BLNK: variants seen among roughly 807,000 people sequenced by gnomAD.
BLNK encodes the protein B-cell linker protein.
Under a neutral mutation model 73.5 loss-of-function variants are expected in BLNK, and 29 were observed. The ratio of observed to expected loss-of-function variants is 0.39; its 90% CI spans 0.29 to 0.54. The LOEUF (loss-of-function observed/expected upper bound fraction) is 0.54. Ranked by LOEUF, BLNK falls within the 20% of genes least tolerant of loss-of-function variation. The probability of loss-of-function intolerance (pLI) is 0.61; values close to 1 mark genes in which losing one functional copy is unlikely to be tolerated. For synonymous variants in BLNK, 176 were observed against 200.8 expected (o/e 0.88, Z 1.04); for missense variants, 460 against 562.8 (o/e 0.82, Z 1.85).
chr10:96,194,864 G>A lies in BLNK; in HGVS notation c.1251+2044C>T, dbSNP rs587634186. Among the ~76,000 whole-genome samples, 3 of 140,848 alleles carry A rather than the reference G, an allele frequency of 2.1e-5. No homozygotes were observed. The Admixed American group carries it at 2.4e-4, about 11-fold the overall frequency. The allele number at this position is 140,848 out of a possible 152,430, so 92.4% of individuals were successfully genotyped here. A position where few individuals can be genotyped will look rare whatever the true frequency, so the allele number is the denominator to read the frequency against. ...CGACTCACTGCAAGCTCCGCCTCCC[G>A]GGTTCACGCCATTCTCCTGCCTCAG... is the stretch of plus-strand genomic sequence containing the variant. On this transcript the variant is annotated intron_variant, in intron 16 of 16. Transcript: ENST00000224337.
Position 96,189,366 on chromosome 10 carries a change from A to G in BLNK, c.*2607T>C. 1 of 568,708 alleles carries G rather than the reference A, an allele frequency of 1.8e-6. No homozygotes were observed. Among genetic ancestry groups the G allele is most frequent in the South Asian group, 1.4e-5 (1 of 69,170 alleles). The allele number at this position is 568,708 out of a possible 1,614,324, so 35.2% of individuals were successfully genotyped here. On this transcript the variant is annotated 3_prime_UTR_variant, in exon 17 of 17. Coordinates refer to ENST00000224337, the MANE Select transcript of BLNK (RefSeq NM_013314.4). ...AAATTGTTTAAACTATTTTCTAAAGAGACTTCCTCCACTGCCAGGATCTTG... is the reference window on the plus strand; with the variant it reads ...AAATTGTTTAAACTATTTTCTAAAGGGACTTCCTCCACTGCCAGGATCTTG...
At chr10:96,271,031 G>A (rs1391812229) in intron 1 of BLNK, among the ~76,000 whole-genome samples, 1 of 152,234 alleles carries the variant, frequency 6.6e-6, no homozygotes, top group Admixed American at 6.5e-5. Flanking sequence ...GTTGCATTCA[G>A]ATTCTAAAAG....
chr10:96,225,036 C>T (rs368019718), intron 5 of BLNK, among the ~76,000 whole-genome samples: 1 of 152,124 alleles, frequency 6.6e-6, no homozygotes, highest in Non-Finnish European at 1.5e-5. Context: ...GTAATATCGA[C>T]CTTAGAGATC....
chr10:96,242,827 A>C, intron 2 of BLNK, 43 bp from the exon 3 acceptor site: 1 of 1,523,762 alleles, frequency 6.6e-7, no homozygotes, highest in East Asian at 2.3e-5. Flanking sequence ...TGAGCAGAAC[A>C]ATGATGGTCA....
rs200794859 is a variant in BLNK at position 96,227,498 on chromosome 10, G to T, written c.273C>A (p.Asn91Lys). 4.7e-5 allele frequency: 76 copies of T among 1,614,228 alleles called. No homozygotes were observed. Among genetic ancestry groups the T allele is most frequent in the Admixed American group, 1.7e-5 (1 of 60,036 alleles). Residue 91 changes from asparagine (N) to lysine (K), a missense_variant, in exon 5 of 17, where the codon AAC becomes AAA. Physicochemically the swap from Asn to Lys is moderately conservative, Grantham distance 94. Transcript: ENST00000224337. ...SEMYVMPAEE[N>K]ADDSYEPPPV... ...GAGGCGGCTCGTAGCTGTCATCAGC[G>T]TTCTCCTCGGCGGGCATCACGTACA...
At chr10:96,243,018 A>G (rs1449984642) in intron 2 of BLNK, among the ~76,000 whole-genome samples, 1 of 152,210 alleles carries the variant, frequency 6.6e-6, no homozygotes, top group African/African-American at 2.4e-5. Context: ...GACTTGGCAA[A>G]GGTGAAGTCA....
intron 11 of BLNK, among the ~76,000 whole-genome samples, chr10:96,206,264 G>A (rs772524640): frequency 1.3e-5 from 2 of 152,050 alleles, no homozygotes; most frequent in Non-Finnish European, 2.9e-5. Context: ...CTTCAAGTAT[G>A]GAATTAAATG....
At chr10:96,223,672 A>G (rs1554901701) in intron 6 of BLNK, among the ~76,000 whole-genome samples, 154 bp downstream of exon 6, 1 of 152,194 alleles carries the variant, frequency 6.6e-6, no homozygotes, top group Non-Finnish European at 1.5e-5. Flanking sequence ...CATTTTGGAG[A>G]AAACCAAGTC....
At chr10:96,208,631 T>C (rs2083877899) in intron 9 of BLNK, among the ~76,000 whole-genome samples, 1 of 152,118 alleles carries the variant, frequency 6.6e-6, no homozygotes, top group African/African-American at 2.4e-5. Flanking sequence ...ATTGGTAAGG[T>C]TGTATGCTCC....
chr10:96,224,181 A>C (rs1264311060), intron 5 of BLNK, among the ~76,000 whole-genome samples, 192 bp from the exon 6 acceptor site: 2 of 152,216 alleles, frequency 1.3e-5, no homozygotes, highest in Non-Finnish European at 2.9e-5. Context: ...CTTAAACGAC[A>C]AAAACTGGAA....
chr10:96,231,327 TTTGAC>T (rs1842490327), intron 3 of BLNK, among the ~76,000 whole-genome samples: 1 of 152,238 alleles, frequency 6.6e-6, no homozygotes, highest in African/African-American at 2.4e-5. Flanking sequence ...TGGCTCTAAC[TTTGAC>T]TTTTCTTGTT....
chr10:96,265,699 A>G (rs988898501), intron 1 of BLNK, among the ~76,000 whole-genome samples: 2 of 152,244 alleles, frequency 1.3e-5, no homozygotes, highest in African/African-American at 4.8e-5. Flanking sequence ...CCTATTCTGA[A>G]CTTTAAATAC....
Position 96,242,763 on chromosome 10 carries a change from T to C in BLNK, c.135A>G (p.Pro45=), listed in dbSNP as rs1322436116. The C allele has an allele frequency of 6.2e-7, 1 of 1,613,964 alleles. No individual in the cohort carries two copies. Among genetic ancestry groups the C allele is most frequent in the Non-Finnish European group, 8.5e-7 (1 of 1,179,964 alleles). The part of the protein sequence containing the change: ...KIKKLKVKAP[P]SVPRRDYASE... Reference sequence around the variant, plus strand: ...AAGCGTAGTCCCTTCGAGGAACACTTGGAGGTGCTTTGACTTTTAGCCTGG... The same window carrying C: ...AAGCGTAGTCCCTTCGAGGAACACTCGGAGGTGCTTTGACTTTTAGCCTGG... Residue 45 remains proline (P), a synonymous_variant, in exon 3 of 17, where the codon CCA becomes CCG. Coordinates refer to ENST00000224337, the MANE Select transcript of BLNK (RefSeq NM_013314.4).
chr10:96,200,866 T>C lies in BLNK; in HGVS notation c.1011+116A>G. The C allele has an allele frequency of 1.0e-6, 1 of 961,352 alleles. No individual in the cohort carries two copies. Among genetic ancestry groups the C allele is most frequent in the Non-Finnish European group, 1.7e-6 (1 of 589,264 alleles). The allele number at this position is 961,352 out of a possible 1,614,324, so 59.6% of individuals were successfully genotyped here. On this transcript the variant is annotated intron_variant, in intron 14 of 16. Coordinates refer to ENST00000224337, the MANE Select transcript of BLNK (RefSeq NM_013314.4). The surrounding 1 kb of genome is among the most constrained non-coding windows in gnomAD (Gnocchi z 4.3). ...TACCAAATGACAGTTCACATAATGATGTAAAATACAGTCTCTGTTCTCAAG... is the reference window on the plus strand; with the variant it reads ...TACCAAATGACAGTTCACATAATGACGTAAAATACAGTCTCTGTTCTCAAG...
rs1373078639 is a variant in BLNK, at chr10:96,192,080, C to T, written c.1264G>A (p.Val422Ile). ...KKNGEEYFGSVAEIIRNHQHS... is the reference protein window; with the variant it reads ...KKNGEEYFGSIAEIIRNHQHS... ...TGATGATTCCTGATGATTTCAGCAACACTTCCAAAGTACTAGAGGAAGAAA... is the reference window on the plus strand; with the variant it reads ...TGATGATTCCTGATGATTTCAGCAATACTTCCAAAGTACTAGAGGAAGAAA... The change falls in exon 17 of 17, where the codon GTT (valine) becomes ATT (isoleucine). Residue 422 changes from valine (V) to isoleucine (I), a missense_variant. Physicochemically the swap from Val to Ile is conservative, Grantham distance 29. Around this residue, in one of 3 missense-constraint regions of BLNK, gnomAD observed 88 missense variants for 143.4 expected, o/e 0.61. Transcript: ENST00000224337. 7 of 1,613,698 alleles carry T rather than the reference C, an allele frequency of 4.3e-6. No homozygotes were observed. The highest frequency in any genetic ancestry group is 5.1e-6 in the Non-Finnish European group (6 of 1,179,768).
intron 4 of BLNK, among the ~76,000 whole-genome samples, chr10:96,230,582 A>G (rs1378303101): frequency 6.6e-6 from 1 of 152,218 alleles, no homozygotes; most frequent in Non-Finnish European, 1.5e-5. Flanking sequence ...AAAGGTTTAA[A>G]TGAGGTTATG....
intron 9 of BLNK, 120 bp downstream of exon 9, chr10:96,209,718 C>T (rs2083903386): frequency 7.3e-6 from 9 of 1,241,238 alleles, no homozygotes; most frequent in Admixed American, 1.7e-5. Flanking sequence ...GGGCTCCTTA[C>T]TCTTGGTCCA....
At chr10:96,257,478 A>C (rs1942758981) in intron 1 of BLNK, among the ~76,000 whole-genome samples, 1 of 152,148 alleles carries the variant, frequency 6.6e-6, no homozygotes, top group African/African-American at 2.4e-5. Context: ...AGGACCAACA[A>C]CTCTCAAAGA....
At chr10:96,230,484 A>G (rs1842453906) in intron 4 of BLNK, among the ~76,000 whole-genome samples, 1 of 152,158 alleles carries the variant, frequency 6.6e-6, no homozygotes, top group African/African-American at 2.4e-5. Flanking sequence ...TGATATGGAA[A>G]CATTTAAACA....
Sources: gnomAD v4.1 joint callset for allele counts (sites outside exome capture counted in the v4.1 genomes callset) on GRCh38, gnomAD v4.1.1 for gene constraint, gnomAD v4.1.1 regional missense constraint, Gnocchi (gnomAD v3.1) non-coding constraint, MANE v1.5 for transcripts, NCBI Gene and HGNC (gene_info 2026-07-23, HGNC 2026-07-21) for gene names.